DNAH17: variants seen among roughly 807,000 people sequenced by gnomAD.
DNAH17 encodes the protein axonemal beta dynein heavy chain 17.
In DNAH17, 376 loss-of-function variants were observed where a neutral mutation model predicts 485.6. That is an observed-to-expected ratio of 0.77 (90% CI 0.71 to 0.84). DNAH17 has a LOEUF of 0.84. Among genes scored for constraint, DNAH17 ranks in the 40% least tolerant of loss-of-function variants. DNAH17 has a pLI of 0.00. For missense variants in DNAH17, 6,370 were observed against 5,839.3 expected (o/e 1.09, Z -2.96); for synonymous variants, 3,031 against 2,405.9 (o/e 1.26, Z -7.60).
intron 22 of DNAH17, among the ~76,000 whole-genome samples, chr17:78,528,939 A>AAAAAAAAAAAAATACAAAAT (rs2091151380): frequency 6.7e-6 from 1 of 150,180 alleles, no homozygotes; most frequent in South Asian, 2.1e-4. Flanking sequence ...TGGGACATAA[A>AAAAAAAAAAAAATACAAAAT]GGCATTTTGT....
At chr17:78,544,241 G>A (rs576248532) in intron 16 of DNAH17, among the ~76,000 whole-genome samples, 164 of 152,296 alleles carry the variant, frequency 1.1e-3, no homozygotes, top group Admixed American at 2.9e-3. Flanking sequence ...ACCACAGAAA[G>A]ACCATTGAGA....
intron 74 of DNAH17, among the ~76,000 whole-genome samples, chr17:78,436,689 C>A (rs2086859042): frequency 1.3e-5 from 2 of 151,886 alleles, no homozygotes; most frequent in Middle Eastern, 3.2e-3. Context: ...ACCAAAAATC[C>A]AAAATATTAG....
chr17:78,500,269 G>A (rs755045581), intron 36 of DNAH17, 36 bp downstream of exon 36: 21 of 1,579,018 alleles, frequency 1.3e-5, no homozygotes, highest in Non-Finnish European at 1.7e-5. Flanking sequence ...TATAAAAGAA[G>A]ACTCTGGGTC....
At chr17:78,463,819 T>C (rs1468007504) in intron 56 of DNAH17, among the ~76,000 whole-genome samples, 2 of 152,250 alleles carry the variant, frequency 1.3e-5, no homozygotes, top group African/African-American at 2.4e-5. Flanking sequence ...TTAATTTTAA[T>C]TCAGGACATT....
intron 56 of DNAH17, among the ~76,000 whole-genome samples, chr17:78,464,879 G>T (rs886558362): frequency 1.3e-5 from 2 of 152,242 alleles, no homozygotes; most frequent in African/African-American, 4.8e-5. Context: ...CAATTCTGAT[G>T]ATTTGTTCAT....
intron 63 of DNAH17, 34 bp from the exon 64 acceptor site, chr17:78,454,739 A>G (rs2146507663): frequency 6.4e-7 from 1 of 1,557,386 alleles, no homozygotes; most frequent in Non-Finnish European, 8.8e-7. Flanking sequence ...TAGAGGGGGT[A>G]ATGCGACCTT....
At chr17:78,483,216 G>A (rs984563847) in intron 48 of DNAH17, among the ~76,000 whole-genome samples, 1 of 152,206 alleles carries the variant, frequency 6.6e-6, no homozygotes, top group Non-Finnish European at 1.5e-5. Context: ...AGCCACCTCT[G>A]ATGCCTCCGT....
chr17:78,509,845 G>A (rs373736892), intron 27 of DNAH17, among the ~76,000 whole-genome samples: 2 of 152,186 alleles, frequency 1.3e-5, no homozygotes, highest in East Asian at 1.9e-4. Context: ...TTGCATGTAC[G>A]GGGCGGGCAG....
chr17:78,489,732 A>T (rs1344643260), intron 44 of DNAH17, among the ~76,000 whole-genome samples: 4 of 146,554 alleles, frequency 2.7e-5, no homozygotes, highest in African/African-American at 1.0e-4. Context: ...TTTTTTCATC[A>T]CTCTCTACAT....
chr17:78,434,144 A>G lies in DNAH17; in HGVS notation c.12110T>C (p.Val4037Ala), dbSNP rs747791338. ...GGCGCCGAACTTGCGCCTCTCTGCC[A>G]CCACAGCGTGGAAGTAGCACAGGGC... The part of the protein sequence containing the change: ...LFALCYFHAV[V>A]AERRKFGAQG... Residue 4037 changes from valine to alanine, a missense_variant, in exon 75 of 81, where the codon GTG becomes GCG. Transcript: ENST00000389840. 1.4e-5 allele frequency: 22 copies of G among 1,613,504 alleles called. No homozygotes were observed. The Admixed American group carries it at 2.7e-4, about 20-fold the overall frequency.
intron 54 of DNAH17, chr17:78,472,542 G>A (rs751954494): frequency 3.4e-6 from 1 of 294,408 alleles, no homozygotes; most frequent in Non-Finnish European, 6.8e-6. Flanking sequence ...TTCTTCATGG[G>A]GCAGCCCAGC....
rs1568273625 is a variant in DNAH17, at chr17:78,571,065, A to T, written c.833-32T>A. ...GGAACAAGAACAAGTGCCCACCGGT[A>T]AGAGAGCAGAAATTGCTCAGAAACG... On this transcript the variant is annotated intron_variant, in intron 5 of 80. Transcript: ENST00000389840. 4 of 1,544,536 alleles carry T rather than the reference A, an allele frequency of 2.6e-6. No homozygotes were observed. The African/African-American group carries it at 5.5e-5, about 21-fold the overall frequency.
chr17:78,502,756 G>C, intron 32 of DNAH17, 58 bp from the exon 33 acceptor site: 1 of 1,597,254 alleles, frequency 6.3e-7, no homozygotes, highest in Non-Finnish European at 8.5e-7. Context: ...GCCTGCTAAC[G>C]CAGACATTCC....
At chr17:78,508,576 C>G (rs2090550816) in intron 27 of DNAH17, among the ~76,000 whole-genome samples, 1 of 152,074 alleles carries the variant, frequency 6.6e-6, no homozygotes, top group Admixed American at 6.6e-5. Context: ...GGAAAAAACC[C>G]TAAAAGCATA....
chr17:78,524,222 C>G (rs1193798702), intron 25 of DNAH17, among the ~76,000 whole-genome samples: 1 of 152,198 alleles, frequency 6.6e-6, no homozygotes, highest in African/African-American at 2.4e-5. Flanking sequence ...ACTGCAACCT[C>G]TGCCTCCCAG....
At chr17:78,451,364 GAC>G (rs2087543533) in intron 66 of DNAH17, 103 bp downstream of exon 66, 2 of 1,057,596 alleles carry the variant, frequency 1.9e-6, no homozygotes, top group African/African-American at 1.6e-5. Context: ...GAGAAGCAAC[GAC>G]ACACACTGGA....
At chr17:78,453,321 C>T in intron 65 of DNAH17, 22 bp downstream of exon 65, 2 of 1,610,850 alleles carry the variant, frequency 1.2e-6, no homozygotes, top group African/African-American at 2.7e-5. Context: ...TGGCTCAAGC[C>T]ACGGAGGCGG....
Position 78,485,634 on chromosome 17 carries a change from C to G in DNAH17, c.7399G>C (p.Asp2467His), listed in dbSNP as rs779925195. ...TCCGTGTTCAGGCTTTCCAGCTTGT[C>G]CCCCATCAGCACCGACTTGCCCGTC... Reference protein sequence around the residue: ...AGTGKSVLMGDKLESLNTDNY... With the variant: ...AGTGKSVLMGHKLESLNTDNY... The change falls in exon 47 of 81, where the codon GAC becomes CAC. Residue 2467 changes from aspartate to histidine, a missense_variant. Coordinates refer to ENST00000389840, the MANE Select transcript of DNAH17 (RefSeq NM_173628.4). 1.2e-6 allele frequency: 2 copies of G among 1,613,690 alleles called. No individual in the cohort carries two copies. The highest frequency in any genetic ancestry group is 2.7e-5 in the African/African-American group (2 of 74,922).
rs1248544570 is a variant in DNAH17, at chr17:78,427,256, T to C, written c.12589-148A>G. The C allele has an allele frequency of 4.1e-6, 3 of 730,230 alleles. No homozygotes were observed. The African/African-American group carries it at 5.3e-5, about 13-fold the overall frequency. 45.2% of individuals were successfully genotyped at this position (730,230 alleles called of 1,614,324 possible). A position where few individuals can be genotyped will look rare whatever the true frequency, so the allele number is the denominator to read the frequency against. On this transcript the variant is annotated intron_variant, in intron 77 of 80. Transcript: ENST00000389840. ...TAGAGTTGCCAGAAATGCAGGGTCA[T>C]GGGTGCAGCCACACATTTGATGAGG...
Sources: allele counts gnomAD v4.1 joint callset (sites outside exome capture counted in the v4.1 genomes callset), GRCh38; gene constraint gnomAD v4.1.1; transcripts MANE v1.5; gene names NCBI Gene and HGNC (gene_info 2026-07-23, HGNC 2026-07-21).